DNAH9: variants seen among roughly 807,000 people sequenced by gnomAD.
DNAH9 encodes DNAH9 variant protein.
A neutral mutation model predicts 471.6 loss-of-function variants in DNAH9; 345 were observed. That is an observed-to-expected ratio of 0.73 (90% confidence interval 0.67 to 0.80). The LOEUF (loss-of-function observed/expected upper bound fraction) is 0.80, where lower values mean the gene tolerates loss of function less well. Ranked by LOEUF, DNAH9 falls within the 30% of genes least tolerant of loss-of-function variation. DNAH9 has a pLI of 0.00. For synonymous variants in DNAH9, 2,093 were observed against 2,123.6 expected, an observed-to-expected ratio of 0.99 and a Z score of 0.40; for missense variants, 5,407 against 5,609.2, an observed-to-expected ratio of 0.96 and a Z score of 1.15.
intron 22 of DNAH9, among the ~76,000 whole-genome samples, chr17:11,699,021 G>T (rs2079723): frequency 0.79 from 120,246 of 151,764 alleles, 48,033 homozygotes; most frequent in East Asian, 0.98. Flanking sequence ...GAGGCCAAGG[G>T]GGGCGGATCA....
intron 43 of DNAH9, among the ~76,000 whole-genome samples, chr17:11,799,825 T>A (rs1268003969): frequency 6.6e-6 from 1 of 152,180 alleles, no homozygotes; most frequent in African/African-American, 2.4e-5. Flanking sequence ...CCTAAGGTGA[T>A]CCACCCGCCT....
Position 11,934,072 on chromosome 17 carries a change from G to A in DNAH9, c.12489+1G>A, listed in dbSNP as rs1466217444. 6.2e-7 allele frequency: 1 copy of A among 1,612,508 alleles called. No homozygotes were observed. The highest frequency in any genetic ancestry group is 1.1e-5 in the South Asian group (1 of 90,818). On this transcript the variant is annotated splice_donor_variant, in intron 65 of 68. Transcript: ENST00000262442. LOFTEE classifies it high-confidence loss of function. Reference sequence around the variant, plus strand: ...CATGGACTACAATGGTTATCATCAGGTGAGACTCTGCTCTGTGCTTCTGAT... The same window carrying A: ...CATGGACTACAATGGTTATCATCAGATGAGACTCTGCTCTGTGCTTCTGAT...
At chr17:11,880,230 G>T (rs191541079) in intron 54 of DNAH9, 30 bp downstream of exon 54, 1 of 1,608,286 alleles carries the variant, frequency 6.2e-7, no homozygotes, top group South Asian at 1.1e-5. Flanking sequence ...CTGACCCTTC[G>T]GGGGGAGCTG....
chr17:11,618,907 C>T (rs1353208298), intron 5 of DNAH9, among the ~76,000 whole-genome samples: 1 of 152,186 alleles, frequency 6.6e-6, no homozygotes, highest in Non-Finnish European at 1.5e-5. Flanking sequence ...TTGACTCCTC[C>T]TAGGCTAGTG....
chr17:11,891,138 G>A (rs1350986971), intron 57 of DNAH9, among the ~76,000 whole-genome samples: 3 of 152,170 alleles, frequency 2.0e-5, no homozygotes, highest in Admixed American at 6.5e-5. Context: ...TACACATAAT[G>A]TGTAGTTCAG....
chr17:11,648,981 G>A (rs1030425814), intron 12 of DNAH9, among the ~76,000 whole-genome samples: 1 of 152,078 alleles, frequency 6.6e-6, no homozygotes, highest in East Asian at 1.9e-4. Context: ...CAAAAAATTA[G>A]CCAGGCGTAG....
rs369688917 is a variant in DNAH9, at chr17:11,892,869, T to TAAA, written c.11283+923_11283+924insAAA. On this transcript the variant is annotated intron_variant, in intron 58 of 68. Transcript: ENST00000262442. The surrounding 1 kb of genome is among the most constrained non-coding windows in gnomAD (Gnocchi z 4.3). ...GCATCTGGCCTAATTTACTTCCTTTTACATGTCCCTGTAATCATTTAGAAT... is the reference window on the plus strand; with the variant it reads ...GCATCTGGCCTAATTTACTTCCTTTTAAAACATGTCCCTGTAATCATTTAGAAT... Among the ~76,000 whole-genome samples, 3,148 of 152,230 alleles carry TAAA rather than the reference T, an allele frequency of 0.021. 108 individuals carry two copies. Among genetic ancestry groups the TAAA allele is most frequent in the African/African-American group, 0.072 (3,005 of 41,520 alleles).
Position 11,909,698 on chromosome 17 carries a change from G to A in DNAH9, c.11749+3889G>A, listed in dbSNP as rs528100916. Among the ~76,000 whole-genome samples, 4 of 151,934 alleles carry A rather than the reference G, an allele frequency of 2.6e-5. No homozygotes were observed. The East Asian group carries it at 5.8e-4, about 22-fold the overall frequency. On this transcript the variant is annotated intron_variant, in intron 61 of 68. Transcript: ENST00000262442. ...CATCCCACAGGTACAGATGAGACAC[G>A]CTGCTGCCCACCAAGACTCTCCTCG...
At chr17:11,906,109 TGATCCTTCCAC>T (rs1489600737) in intron 61 of DNAH9, among the ~76,000 whole-genome samples, 2 of 152,136 alleles carry the variant, frequency 1.3e-5, no homozygotes, top group Non-Finnish European at 2.9e-5. Context: ...AATACTAGTA[TGATCCTTCCAC>T]AGGGCCCCAC....
chr17:11,661,835 T>C, intron 14 of DNAH9, among the ~76,000 whole-genome samples: 1 of 152,088 alleles, frequency 6.6e-6, no homozygotes, highest in Admixed American at 6.5e-5. Flanking sequence ...AGTGTTATAG[T>C]TTTTACTTTT....
In DNAH9 at chr17:11,938,411, A is replaced by T. The variant is rs1008928360; in HGVS notation, c.12660+889A>T. On this transcript the variant is annotated intron_variant, in intron 66 of 68. Coordinates refer to ENST00000262442, the MANE Select transcript of DNAH9 (RefSeq NM_001372.4). ...GAGGTGGAGGTTGCAGTGAGCCAAG[A>T]CCGTGCCACTGCACTCCAGCCTGGT... Among the ~76,000 whole-genome samples the T allele has an allele frequency of 2.0e-5, 3 of 149,232 alleles. No individual in the cohort carries two copies. In the Admixed American group the frequency reaches 2.0e-4, roughly 10 times the overall value.
chr17:11,855,377 T>C (rs146553626), intron 50 of DNAH9, among the ~76,000 whole-genome samples: 19 of 152,378 alleles, frequency 1.2e-4, no homozygotes, highest in African/African-American at 3.6e-4. Context: ...TACAGTTTTC[T>C]GTACAGCTTG....
In DNAH9 at chr17:11,772,196, A is replaced by G. The variant is rs143477042; in HGVS notation, c.7552+2867A>G. On this transcript the variant is annotated intron_variant, in intron 38 of 68. Transcript: ENST00000262442. ...TGTATTTAATTGATTTTCTATTTAAATGATTTTCTATTTAATTTTACTAAA... is the reference window on the plus strand; with the variant it reads ...TGTATTTAATTGATTTTCTATTTAAGTGATTTTCTATTTAATTTTACTAAA... Among the ~76,000 whole-genome samples the G allele has an allele frequency of 7.6e-4, 114 of 150,506 alleles. 2 individuals are homozygous for G. In the East Asian group the frequency reaches 0.02, roughly 26 times the overall value.
intron 6 of DNAH9, among the ~76,000 whole-genome samples, chr17:11,620,569 C>T (rs539742509): frequency 4.0e-5 from 6 of 150,696 alleles, no homozygotes; most frequent in Non-Finnish European, 5.9e-5. Context: ...TTGACCATCA[C>T]ATCACATAAT....
At chr17:11,673,288 C>T (rs773709094) in intron 17 of DNAH9, among the ~76,000 whole-genome samples, 10 of 152,198 alleles carry the variant, frequency 6.6e-5, no homozygotes, top group African/African-American at 2.2e-4. Context: ...TTTTCACCAA[C>T]AAATCTACCA....
At chr17:11,654,849 G>A (rs1779885099) in intron 14 of DNAH9, among the ~76,000 whole-genome samples, 1 of 151,988 alleles carries the variant, frequency 6.6e-6, no homozygotes, top group African/African-American at 2.4e-5. Flanking sequence ...GTCTGTAGCT[G>A]CCCAGTTAAT....
chr17:11,931,169 G>A (rs1029329388), intron 63 of DNAH9, among the ~76,000 whole-genome samples: 3 of 152,156 alleles, frequency 2.0e-5, no homozygotes, highest in African/African-American at 4.8e-5. Context: ...GGAGGCCATC[G>A]GATCACCTTA....
intron 6 of DNAH9, among the ~76,000 whole-genome samples, chr17:11,624,966 T>C (rs550790111): frequency 6.6e-6 from 1 of 152,270 alleles, no homozygotes; most frequent in Non-Finnish European, 1.5e-5. Flanking sequence ...CCCAGAAGTA[T>C]ATAAAATCTT....
chr17:11,768,028 C>T (rs1332800894), intron 36 of DNAH9, among the ~76,000 whole-genome samples: 2 of 152,178 alleles, frequency 1.3e-5, no homozygotes, highest in African/African-American at 4.8e-5. Context: ...CTCTGTGCCC[C>T]AGGTGTCAAG....
Sources: gnomAD v4.1 joint callset for allele counts (sites outside exome capture counted in the v4.1 genomes callset) on GRCh38, gnomAD v4.1.1 for gene constraint, Gnocchi (gnomAD v3.1) non-coding constraint, MANE v1.5 for transcripts, NCBI Gene and HGNC (gene_info 2026-07-23, HGNC 2026-07-21) for gene names.